The following EHBP1 variants were observed in gnomAD, a reference collection of about 807,000 sequenced individuals.
The protein encoded by EHBP1 is EH domain-binding protein 1.
Under a neutral mutation model 144.0 loss-of-function variants are expected in EHBP1, and 55 were observed. The observed-to-expected ratio is 0.38, with a 90% CI of 0.31 to 0.48. The LOEUF (loss-of-function observed/expected upper bound fraction) is 0.48, where lower values mean the gene tolerates loss of function less well. EHBP1 is among the 20% of genes least tolerant of loss of function. EHBP1 has a pLI of 0.98. For missense variants in EHBP1, 1,200 were observed against 1,364.2 expected (o/e 0.88, Z 1.90); for synonymous variants, 469 against 472.7 (o/e 0.99, Z 0.10).
intron 21 of EHBP1, among the ~76,000 whole-genome samples, chr2:63,043,696 G>T (rs1198544619): frequency 1.3e-5 from 2 of 152,134 alleles, no homozygotes; most frequent in African/African-American, 2.4e-5. Flanking sequence ...GGTCGGGGGG[G>T]ATTTGAACCA....
At chr2:62,988,044 T>C (rs959995433) in intron 15 of EHBP1, 19 of 1,534,660 alleles carry the variant, frequency 1.2e-5, no homozygotes, top group African/African-American at 2.7e-5. Context: ...TCCCGGTAAT[T>C]TCAAATTATA....
chr2:62,679,514 C>T (rs974888765), intron 1 of EHBP1, among the ~76,000 whole-genome samples: 1 of 152,092 alleles, frequency 6.6e-6, no homozygotes, highest in African/African-American at 2.4e-5. Flanking sequence ...TCTTTTATCT[C>T]TCCCTACCCC....
chr2:63,030,408 TAC>T (rs200310215), intron 19 of EHBP1, among the ~76,000 whole-genome samples: 303 of 150,106 alleles, frequency 2.0e-3, no homozygotes, highest in South Asian at 0.011. Context: ...TATATATATA[TAC>T]ACACACACAC....
intron 1 of EHBP1, among the ~76,000 whole-genome samples, chr2:62,683,594 G>A (rs780832155): frequency 1.3e-5 from 2 of 149,548 alleles, no homozygotes; most frequent in Non-Finnish European, 3.0e-5. Context: ...GGGAGACGGA[G>A]GTTGCAGTGA....
intron 9 of EHBP1, among the ~76,000 whole-genome samples, chr2:62,871,861 T>C (rs1436107737): frequency 6.6e-6 from 1 of 152,222 alleles, no homozygotes; most frequent in Non-Finnish European, 1.5e-5. Flanking sequence ...CAGTTACTTA[T>C]GTTTGGGGGA....
chr2:63,039,094 G>C (rs890792372), intron 21 of EHBP1, among the ~76,000 whole-genome samples: 2 of 152,144 alleles, frequency 1.3e-5, no homozygotes, highest in African/African-American at 2.4e-5. Flanking sequence ...AAAAGGAGTT[G>C]ATTGATTTAA....
At chr2:62,794,746 A>T (rs1435142791) in intron 5 of EHBP1, among the ~76,000 whole-genome samples, 4 of 152,058 alleles carry the variant, frequency 2.6e-5, no homozygotes, top group Non-Finnish European at 1.5e-5. Flanking sequence ...TACTAAACAG[A>T]TAAGTCACAA....
chr2:62,774,810 A>C (rs2041941204), intron 5 of EHBP1, among the ~76,000 whole-genome samples: 1 of 152,198 alleles, frequency 6.6e-6, no homozygotes. Flanking sequence ...GTGACACTGC[A>C]CTCCAGCCTG....
intron 19 of EHBP1, among the ~76,000 whole-genome samples, chr2:63,036,191 ATAAAT>A (rs1170751126): frequency 1.3e-5 from 2 of 152,064 alleles, no homozygotes; most frequent in Non-Finnish European, 2.9e-5. Context: ...AAATACTTAA[ATAAAT>A]TATGGTATGC....
chr2:62,778,785 G>C (rs891259337), intron 5 of EHBP1, among the ~76,000 whole-genome samples: 2 of 151,876 alleles, frequency 1.3e-5, no homozygotes, highest in African/African-American at 4.8e-5. Context: ...TCTTGATCTC[G>C]CAAAATAACA....
chr2:62,993,708 A>AACTATATATATAT, intron 17 of EHBP1, 40 bp downstream of exon 17: 1 of 1,271,426 alleles, frequency 7.9e-7, no homozygotes, highest in Non-Finnish European at 1.1e-6. Flanking sequence ...GTTATGGTTT[A>AACTATATATATAT]ACTATATATA....
At chr2:62,699,689 C>G (rs1423705561) in intron 1 of EHBP1, among the ~76,000 whole-genome samples, 1 of 152,224 alleles carries the variant, frequency 6.6e-6, no homozygotes, top group Non-Finnish European at 1.5e-5. Flanking sequence ...CTGATCAATG[C>G]CTATGCCATG....
intron 15 of EHBP1, among the ~76,000 whole-genome samples, chr2:62,981,616 C>T (rs1464186827): frequency 6.6e-6 from 1 of 152,124 alleles, no homozygotes; most frequent in African/African-American, 2.4e-5. Flanking sequence ...TGAGGCTAAG[C>T]CAGGACTAGA....
chr2:62,713,276 AG>A (rs2035337160), intron 2 of EHBP1, among the ~76,000 whole-genome samples: 1 of 149,170 alleles, frequency 6.7e-6, no homozygotes, highest in South Asian at 2.1e-4. Flanking sequence ...TTTTTGAGAC[AG>A]AGTCACACTC....
At chr2:63,017,876 T>G (rs1310578266) in intron 19 of EHBP1, among the ~76,000 whole-genome samples, 5 of 152,256 alleles carry the variant, frequency 3.3e-5, no homozygotes, top group Middle Eastern at 3.4e-3. Flanking sequence ...AAAGGAGAGT[T>G]TAGGGAGCTG....
At chr2:62,788,452 T>A (rs1313560479) in intron 5 of EHBP1, among the ~76,000 whole-genome samples, 1 of 152,050 alleles carries the variant, frequency 6.6e-6, no homozygotes, top group Non-Finnish European at 1.5e-5. Flanking sequence ...TGAGTAATAC[T>A]CATGTTATGG....
intron 19 of EHBP1, among the ~76,000 whole-genome samples, chr2:63,011,882 T>C (rs180876148): frequency 6.6e-5 from 10 of 151,968 alleles, no homozygotes; most frequent in Admixed American, 2.0e-4. Context: ...ATTATGACTG[T>C]AGTAACATCT....
At position 63,045,573 on chromosome 2, in the gene EHBP1, T is replaced by G. The variant is rs1559113466; in HGVS notation, c.*73T>G. On this transcript the variant is annotated 3_prime_UTR_variant, in exon 23 of 23. Transcript: ENST00000431489. The surrounding 1 kb of genome is among the most constrained non-coding windows in gnomAD (Gnocchi z 5.7). Reference sequence around the variant, plus strand: ...CCAAACCAGAAAAAGTCAGACTCATTGTTGATTTAAAACTTTTAACATTTT... The same window carrying G: ...CCAAACCAGAAAAAGTCAGACTCATGGTTGATTTAAAACTTTTAACATTTT... 7.9e-7 allele frequency: 1 copy of G among 1,268,274 alleles called. No individual in the cohort carries two copies. Among genetic ancestry groups the G allele is most frequent in the African/African-American group, 1.5e-5 (1 of 67,252 alleles). The allele number at this position is 1,268,274 out of a possible 1,614,324, so 78.6% of individuals were successfully genotyped here. A position where few individuals can be genotyped will look rare whatever the true frequency, so the allele number is the denominator to read the frequency against.
chr2:62,978,669 A>G (rs187063092), intron 14 of EHBP1, among the ~76,000 whole-genome samples: 169 of 152,250 alleles, frequency 1.1e-3, no homozygotes, highest in African/African-American at 3.6e-3. Context: ...ATAGTTTTTA[A>G]ATCAAATTAT....
Sources: gnomAD v4.1 joint callset for allele counts (sites outside exome capture counted in the v4.1 genomes callset) on GRCh38, gnomAD v4.1.1 for gene constraint, Gnocchi (gnomAD v3.1) non-coding constraint, MANE v1.5 for transcripts, NCBI Gene and HGNC (gene_info 2026-07-23, HGNC 2026-07-21) for gene names.